Variants in PCDH15 observed in about 807,000 individuals in gnomAD.
PCDH15 encodes the protein protocadherin related 15.
In PCDH15, 129 loss-of-function variants were observed where a neutral mutation model predicts 178.5. The ratio of observed to expected loss-of-function variants is 0.72; its 90% CI spans 0.63 to 0.84. The LOEUF (loss-of-function observed/expected upper bound fraction) is 0.84, where lower values mean the gene tolerates loss of function less well. Among genes scored for constraint, PCDH15 ranks in the 40% least tolerant of loss-of-function variants. PCDH15 has a pLI of 0.00. For synonymous variants in PCDH15, 800 were observed against 732.0 expected (o/e 1.09, Z -1.50); for missense variants, 2,230 against 2,099.9 (o/e 1.06, Z -1.21).
chr10:54,036,452 T>G (rs1409971054), intron 18 of PCDH15, among the ~76,000 whole-genome samples: 1 of 150,246 alleles, frequency 6.7e-6, no homozygotes, highest in African/African-American at 2.4e-5. Flanking sequence ...TCTGTTAAAT[T>G]TACTCTGTCT....
chr10:54,835,452 T>A (rs1481720281), intron 3 of PCDH15, among the ~76,000 whole-genome samples: 1 of 152,126 alleles, frequency 6.6e-6, no homozygotes, highest in Non-Finnish European at 1.5e-5. Context: ...TTTATGTACA[T>A]CCCTATACAT....
chr10:55,397,092 T>C (rs1422688055), intron 2 of PCDH15, among the ~76,000 whole-genome samples: 1 of 152,186 alleles, frequency 6.6e-6, no homozygotes, highest in Non-Finnish European at 1.5e-5. Context: ...TATGTAGTTA[T>C]ATAAATTACT....
At chr10:55,010,502 G>A (rs1298509768) in intron 2 of PCDH15, among the ~76,000 whole-genome samples, 1 of 152,128 alleles carries the variant, frequency 6.6e-6, no homozygotes, top group African/African-American at 2.4e-5. Flanking sequence ...AATTTGGCTT[G>A]CAGTGAATAG....
In PCDH15 at chr10:54,023,144, G is replaced by A; in HGVS notation, c.2274C>T (p.Asn758=). 1.9e-6 allele frequency: 3 copies of A among 1,613,778 alleles called. No homozygotes were observed. The East Asian group carries it at 6.7e-5, about 36-fold the overall frequency. Residue 758 remains asparagine, a synonymous_variant, in exon 19 of 38, where the codon AAC becomes AAT. Transcript: ENST00000644397. ...INGQVHYSLG[N]FNNLFRITSN... The stretch of plus-strand genomic sequence containing the variant: ...ATGTGATACGAAAAAGATTATTAAA[G>A]TTACCCAAACTGTAGTGCACTTGAC...
At chr10:54,435,923 T>C (rs2075350552) in intron 3 of PCDH15, among the ~76,000 whole-genome samples, 1 of 150,958 alleles carries the variant, frequency 6.6e-6, no homozygotes, top group Non-Finnish European at 1.5e-5. Flanking sequence ...GGAGCCGAGA[T>C]CGTGCCACTG....
At chr10:55,155,411 A>C (rs1458792339) in intron 2 of PCDH15, among the ~76,000 whole-genome samples, 5 of 151,190 alleles carry the variant, frequency 3.3e-5, no homozygotes, top group African/African-American at 1.2e-4. Context: ...TTTAATGAAC[A>C]CTAAAGTTCC....
chr10:55,185,339 T>C (rs1839764593), intron 1 of PCDH15, among the ~76,000 whole-genome samples: 3 of 151,788 alleles, frequency 2.0e-5, no homozygotes, highest in East Asian at 3.9e-4. Context: ...GTAAATGATG[T>C]TGCATGTCTT....
At chr10:54,439,738 T>G (rs2075679111) in intron 3 of PCDH15, among the ~76,000 whole-genome samples, 1 of 152,076 alleles carries the variant, frequency 6.6e-6, no homozygotes, top group African/African-American at 2.4e-5. Flanking sequence ...AAAAACCCAT[T>G]AAGTTATTCA....
At chr10:54,407,860 A>G (rs1182285158) in intron 3 of PCDH15, among the ~76,000 whole-genome samples, 1 of 152,074 alleles carries the variant, frequency 6.6e-6, no homozygotes, top group Non-Finnish European at 1.5e-5. Flanking sequence ...GTTCCAGACC[A>G]GCCTGGCCAA....
intron 3 of PCDH15, among the ~76,000 whole-genome samples, chr10:54,421,695 C>T (rs867399404): frequency 0.097 from 8,949 of 92,310 alleles, 695 homozygotes; most frequent in African/African-American, 0.18. Flanking sequence ...TATATATATA[C>T]ACACACACAC....
At chr10:54,030,974 A>C (rs750673667) in intron 18 of PCDH15, among the ~76,000 whole-genome samples, 22 of 152,042 alleles carry the variant, frequency 1.4e-4, no homozygotes, top group Non-Finnish European at 1.2e-4. Flanking sequence ...CTTCATTGGA[A>C]TATGAAGCTC....
At chr10:54,329,219 T>G (rs561443039) in intron 7 of PCDH15, among the ~76,000 whole-genome samples, 23 of 149,168 alleles carry the variant, frequency 1.5e-4, no homozygotes, top group African/African-American at 5.7e-4. Flanking sequence ...GATATTCCAC[T>G]TCCATCATCT....
intron 2 of PCDH15, among the ~76,000 whole-genome samples, chr10:54,963,257 G>C (rs1427804670): frequency 6.6e-6 from 1 of 151,854 alleles, no homozygotes; most frequent in Non-Finnish European, 1.5e-5. Context: ...ACTGGCTGTA[G>C]GTAATAAAGG....
chr10:55,619,416 C>G (rs1394322602), intron 2 of PCDH15, among the ~76,000 whole-genome samples: 10 of 151,892 alleles, frequency 6.6e-5, no homozygotes, highest in Non-Finnish European at 1.3e-4. Flanking sequence ...AGGTGGTATT[C>G]ATTTAAAATA....
At chr10:54,154,733 A>G (rs1195892593) in intron 13 of PCDH15, among the ~76,000 whole-genome samples, 1 of 152,212 alleles carries the variant, frequency 6.6e-6, no homozygotes. Context: ...AAAATAATTG[A>G]GAATGAAAAA....
intron 31 of PCDH15, 123 bp from the exon 32 acceptor site, chr10:53,827,671 C>T: frequency 3.5e-6 from 4 of 1,128,590 alleles, no homozygotes; most frequent in Non-Finnish European, 5.2e-6. Flanking sequence ...TTTACACAAA[C>T]ATCAATTTAT....
chr10:55,216,547 G>T (rs1289607362), intron 1 of PCDH15, among the ~76,000 whole-genome samples: 4 of 151,634 alleles, frequency 2.6e-5, no homozygotes, highest in East Asian at 1.9e-4. Context: ...GATGGCTAGG[G>T]TTAACAATAT....
At position 54,089,694 on chromosome 10, in the gene PCDH15, A is replaced by G. The variant is rs187186412; in HGVS notation, c.1997+290T>C. 2.6e-5 allele frequency among the ~76,000 whole-genome samples: 4 copies of G among 152,306 alleles called. No homozygotes were observed. In the East Asian group the frequency reaches 7.7e-4, roughly 29 times the overall value. Reference sequence around the variant, plus strand: ...AACCCTTTGTAGTAATGTCCTTGTCATTATCAGTAGCTGACAACATTAAAA... The same window carrying G: ...AACCCTTTGTAGTAATGTCCTTGTCGTTATCAGTAGCTGACAACATTAAAA... On this transcript the variant is annotated intron_variant, in intron 16 of 37. Transcript: ENST00000644397.
rs567745597 is a variant in PCDH15 at position 55,226,941 on chromosome 10, T to C, written c.-155-60290A>G. 1.7e-4 allele frequency among the ~76,000 whole-genome samples: 25 copies of C among 151,480 alleles called. No homozygotes were observed. In the East Asian group the frequency reaches 4.9e-3, roughly 29 times the overall value. On this transcript the variant is annotated intron_variant, in intron 1 of 5. Transcript: ENST00000458638. ...CTAACATAAGTAAATACATAGAAAA[T>C]GGAAAGTGGAAATGATGGACAAGAG...
Sources: gnomAD v4.1 joint callset for allele counts (sites outside exome capture counted in the v4.1 genomes callset) on GRCh38, gnomAD v4.1.1 for gene constraint, MANE v1.5 for transcripts, NCBI Gene and HGNC (gene_info 2026-07-23, HGNC 2026-07-21) for gene names.